Variants in VPS72 observed in about 807,000 individuals in gnomAD.
VPS72 encodes vacuolar protein sorting-associated protein 72 homolog.
VPS72 carries 27 observed loss-of-function variants against 38.9 expected under a neutral mutation model. The observed-to-expected ratio is 0.69, with a 90% CI of 0.51 to 0.96. The LOEUF (loss-of-function observed/expected upper bound fraction) is 0.96. VPS72 is among the 40% of genes least tolerant of loss of function. The pLI, the probability that VPS72 is intolerant of heterozygous loss-of-function variation, is 0.00. For missense variants in VPS72, 360 were observed against 479.5 expected, an observed-to-expected ratio of 0.75 and a Z score of 2.33; for synonymous variants, 173 against 186.3, an observed-to-expected ratio of 0.93 and a Z score of 0.58.
Position 151,190,133 on chromosome 1 carries a change from A to C in VPS72, c.-12T>G, listed in dbSNP as rs1684435051. Reference sequence around the variant, plus strand: ...CCAGCCAAACTCATACCGCCTACCGAGACTGCGCCGCCACCTGCAGCCCCT... The same window carrying C: ...CCAGCCAAACTCATACCGCCTACCGCGACTGCGCCGCCACCTGCAGCCCCT... On this transcript the variant is annotated 5_prime_UTR_variant, in exon 1 of 6. Transcript: ENST00000368892. 2 of 1,612,016 alleles carry C rather than the reference A, an allele frequency of 1.2e-6. No individual in the cohort carries two copies. Among genetic ancestry groups the C allele is most frequent in the African/African-American group, 1.3e-5 (1 of 74,996 alleles).
chr1:151,190,165 C>A lies in VPS72; in HGVS notation c.-44G>T. 6.2e-7 allele frequency: 1 copy of A among 1,606,220 alleles called. No individual in the cohort carries two copies. The highest frequency in any genetic ancestry group is 8.5e-7 in the Non-Finnish European group (1 of 1,178,046). ...GCCGCCACCTGCAGCCCCTCACCAG[C>A]TCGGTTTTGGGAGCTCGACGCTCGA... On this transcript the variant is annotated 5_prime_UTR_variant, in exon 1 of 6. Transcript: ENST00000368892.
Position 151,190,141 on chromosome 1 carries a change from C to A in VPS72, c.-20G>T, listed in dbSNP as rs1222612192. ...ACTCATACCGCCTACCGAGACTGCGCCGCCACCTGCAGCCCCTCACCAGCT... is the reference window on the plus strand; with the variant it reads ...ACTCATACCGCCTACCGAGACTGCGACGCCACCTGCAGCCCCTCACCAGCT... On this transcript the variant is annotated 5_prime_UTR_variant, in exon 1 of 6. Coordinates refer to ENST00000368892, the MANE Select transcript of VPS72 (RefSeq NM_005997.3). 6.2e-7 allele frequency: 1 copy of A among 1,610,982 alleles called. No individual in the cohort carries two copies. The highest frequency in any genetic ancestry group is 8.5e-7 in the Non-Finnish European group (1 of 1,179,710).
At position 151,176,684 on chromosome 1, in the gene VPS72, G is replaced by C. The variant is rs1190955270; in HGVS notation, c.1055C>G (p.Ser352Cys). The C allele has an allele frequency of 4.3e-6, 7 of 1,614,132 alleles. No individual in the cohort carries two copies. Among genetic ancestry groups the C allele is most frequent in the Non-Finnish European group, 5.9e-6 (7 of 1,180,018 alleles). ...GPPPPEPLPG[S>C]GPRALRQKIV... is the part of the protein sequence containing the mutation. Reference sequence around the variant, plus strand: ...TTTCTGGCGCAAGGCTCGGGGCCCAGAGCCAGGGAGGGGCTCAGGAGGTGG... The same window carrying C: ...TTTCTGGCGCAAGGCTCGGGGCCCACAGCCAGGGAGGGGCTCAGGAGGTGG... The change falls in exon 6 of 6, where the codon TCT becomes TGT. Residue 352 changes from serine (S) to cysteine (C), a missense_variant. Ser to Cys is a moderately radical substitution (Grantham distance 112, BLOSUM62 -1). Transcript: ENST00000368892.
chr1:151,177,103 C>T (rs764365510), intron 5 of VPS72, 72 bp from the exon 6 acceptor site: 1 of 1,458,122 alleles, frequency 6.9e-7, no homozygotes, highest in Non-Finnish European at 9.1e-7. Flanking sequence ...AGAAGGAAAT[C>T]AGGCTGGGTG....
chr1:151,184,228 T>C lies in VPS72; in HGVS notation c.562+89A>G. The C allele has an allele frequency of 2.0e-6, 3 of 1,499,968 alleles. No homozygotes were observed. The South Asian group carries it at 3.9e-5, about 19-fold the overall frequency. 92.9% of individuals were successfully genotyped at this position (1,499,968 alleles called of 1,614,324 possible). A position where few individuals can be genotyped will look rare whatever the true frequency, so the allele number is the denominator to read the frequency against. On this transcript the variant is annotated intron_variant, in intron 4 of 5. Coordinates refer to ENST00000368892, the MANE Select transcript of VPS72 (RefSeq NM_005997.3). ...CTGATTCCATCATCCCAAATTTCCATCTCTCCAGTTCTTTGGTCCTCCAGG... is the reference window on the plus strand; with the variant it reads ...CTGATTCCATCATCCCAAATTTCCACCTCTCCAGTTCTTTGGTCCTCCAGG...
Position 151,176,399 on chromosome 1 carries a change from C to A in VPS72, c.*245G>T. Reference sequence around the variant, plus strand: ...ATAATAAATGCTATCGAATAAAGACCCAAATATATGCAGGTATTCAAATAC... The same window carrying A: ...ATAATAAATGCTATCGAATAAAGACACAAATATATGCAGGTATTCAAATAC... On this transcript the variant is annotated 3_prime_UTR_variant, in exon 6 of 6. Transcript: ENST00000368892. 9.4e-6 allele frequency: 5 copies of A among 533,780 alleles called. No homozygotes were observed. Among genetic ancestry groups the A allele is most frequent in the East Asian group, 3.3e-5 (1 of 30,668 alleles). 33.1% of individuals were successfully genotyped at this position (533,780 alleles called of 1,614,324 possible). A position where few individuals can be genotyped will look rare whatever the true frequency, so the allele number is the denominator to read the frequency against.
At chr1:151,189,898 C>G (rs956319260) in intron 1 of VPS72, 107 bp downstream of exon 1, 1 of 1,325,248 alleles carries the variant, frequency 7.5e-7, no homozygotes, top group Non-Finnish European at 1.1e-6. Flanking sequence ...AGTATCAGCT[C>G]CCAGAGCTCC....
At position 151,178,135 on chromosome 1, in the gene VPS72, C is replaced by T; in HGVS notation, c.573G>A (p.Glu191=). 1 of 1,613,786 alleles carries T rather than the reference C, an allele frequency of 6.2e-7. No individual in the cohort carries two copies. Among genetic ancestry groups the T allele is most frequent in the Non-Finnish European group, 8.5e-7 (1 of 1,179,980 alleles). ...GCTTCTTTTTATCAGCCTCGAGCCGCTCATATGTCTCTTTAGGGTCAAAGG... is the reference window on the plus strand; with the variant it reads ...GCTTCTTTTTATCAGCCTCGAGCCGTTCATATGTCTCTTTAGGGTCAAAGG... ...ELNLRSLETY[E]RLEADKKKQV... is the part of the protein sequence containing the mutation. Residue 191 remains glutamate, a synonymous_variant, in exon 5 of 6, where the codon GAG becomes GAA. Coordinates refer to ENST00000368892, the MANE Select transcript of VPS72 (RefSeq NM_005997.3).
intron 1 of VPS72, among the ~76,000 whole-genome samples, chr1:151,189,591 G>A (rs1684419133): frequency 6.6e-6 from 1 of 152,158 alleles, no homozygotes. Flanking sequence ...TCTACTTTTG[G>A]AGCGGTTCCT....
rs587716332 is a variant in VPS72, at chr1:151,189,867, C to T, written c.117+138G>A. On this transcript the variant is annotated intron_variant, in intron 1 of 5. Coordinates refer to ENST00000368892, the MANE Select transcript of VPS72 (RefSeq NM_005997.3). ...CGTTCCCCCGCCTCGCCCCCCGGCT[C>T]CGATTCACCCACCCAACTCGAGTAT... 66 of 1,008,062 alleles carry T rather than the reference C, an allele frequency of 6.5e-5. No homozygotes were observed. The Admixed American group carries it at 1.4e-3, about 21-fold the overall frequency. 62.4% of individuals were successfully genotyped at this position (1,008,062 alleles called of 1,614,324 possible).
At chr1:151,179,598 C>CA (rs745624994) in intron 4 of VPS72, among the ~76,000 whole-genome samples, 35 of 148,630 alleles carry the variant, frequency 2.4e-4, no homozygotes, top group Non-Finnish European at 4.3e-4. Context: ...GACTCCGTCT[C>CA]AAAAAAAAGA....
intron 1 of VPS72, 47 bp from the exon 2 acceptor site, chr1:151,185,997 T>C: frequency 1.2e-6 from 2 of 1,605,038 alleles, no homozygotes; most frequent in Non-Finnish European, 1.7e-6. Context: ...GAAGCCTTAA[T>C]GCCCCTTCAG....
chr1:151,179,786 G>A (rs762702512), intron 4 of VPS72, among the ~76,000 whole-genome samples: 6 of 152,156 alleles, frequency 3.9e-5, no homozygotes, highest in Non-Finnish European at 5.9e-5. Context: ...CAGCTACCGG[G>A]AGGCTGAGGC....
At position 151,184,655 on chromosome 1, in the gene VPS72, G is replaced by A. The variant is rs949524747; in HGVS notation, c.386-162C>T. 4.0e-5 allele frequency among the ~76,000 whole-genome samples: 6 copies of A among 149,514 alleles called. No individual in the cohort carries two copies. In the South Asian group the frequency reaches 6.3e-4, roughly 16 times the overall value. On this transcript the variant is annotated intron_variant, in intron 3 of 5. Coordinates refer to ENST00000368892, the MANE Select transcript of VPS72 (RefSeq NM_005997.3). ...GGCTGGAGTACAGTGGCACGATCTC[G>A]GCTCACTCCAACCTCTGCTTCCTGG... is the stretch of plus-strand genomic sequence containing the variant.
chr1:151,190,008 T>C lies in VPS72; in HGVS notation c.114A>G (p.Thr38=). ...TTTTCCCAGGCCCGGATCTTGCCTC[T>C]GTGAAACCCCCATAAGTCGTCTGGT... ...EFYQTTYGGF[T]EESGDDEYQG... Residue 38 remains threonine (T), a synonymous_variant, in exon 1 of 6, where the codon ACA becomes ACG. Transcript: ENST00000368892. 2.5e-6 allele frequency: 4 copies of C among 1,614,076 alleles called. No homozygotes were observed. Among genetic ancestry groups the C allele is most frequent in the Non-Finnish European group, 3.4e-6 (4 of 1,179,976 alleles).
intron 4 of VPS72, among the ~76,000 whole-genome samples, chr1:151,183,440 A>G (rs1212589212): frequency 2.7e-5 from 4 of 150,330 alleles, no homozygotes; most frequent in African/African-American, 7.3e-5. Context: ...AAAAAAAAAA[A>G]AAAAGAAAGG....
Position 151,190,086 on chromosome 1 carries a change from G to T in VPS72, c.36C>A (p.Thr12=). ...AAAGCCCAGAAAGCCGGTTCCCAGC[G>T]GTCTTCCGGGGTGCCCGGCCCCCAG... is the stretch of plus-strand genomic sequence containing the variant. ...SLAGGRAPRK[T]AGNRLSGLLE... The change falls in exon 1 of 6, where the codon ACC becomes ACA. Residue 12 remains threonine, a synonymous_variant. Transcript: ENST00000368892. The T allele has an allele frequency of 3.1e-6, 5 of 1,613,990 alleles. No individual in the cohort carries two copies. The highest frequency in any genetic ancestry group is 4.2e-6 in the Non-Finnish European group (5 of 1,179,998).
intron 1 of VPS72, among the ~76,000 whole-genome samples, chr1:151,186,869 T>C (rs1233987062): frequency 2.6e-5 from 4 of 152,244 alleles, no homozygotes; most frequent in African/African-American, 9.6e-5. Flanking sequence ...GAAACTTAAA[T>C]GTCACACTAA....
chr1:151,177,985 C>G lies in VPS72; in HGVS notation c.707+16G>C. Reference sequence around the variant, plus strand: ...AGCTGAACACACAATCTCTTTTCCTCTTGAGATTCACTCACCCTTCTATGT... The same window carrying G: ...AGCTGAACACACAATCTCTTTTCCTGTTGAGATTCACTCACCCTTCTATGT... On this transcript the variant is annotated intron_variant, in intron 5 of 5. Coordinates refer to ENST00000368892, the MANE Select transcript of VPS72 (RefSeq NM_005997.3). The G allele has an allele frequency of 6.2e-7, 1 of 1,611,926 alleles. No individual in the cohort carries two copies. The highest frequency in any genetic ancestry group is 8.5e-7 in the Non-Finnish European group (1 of 1,178,840).
Sources: gnomAD v4.1 joint callset for allele counts (sites outside exome capture counted in the v4.1 genomes callset) on GRCh38, gnomAD v4.1.1 for gene constraint, MANE v1.5 for transcripts, NCBI Gene and HGNC (gene_info 2026-07-23, HGNC 2026-07-21) for gene names.